The following HOXB6 variants were observed in gnomAD, a reference collection of about 807,000 sequenced individuals.
HOXB6 encodes the protein homeobox B6.
A neutral mutation model predicts 24.2 loss-of-function variants in HOXB6; 18 were observed. That is an observed-to-expected ratio of 0.74 (90% CI 0.51 to 1.10). HOXB6 has a LOEUF of 1.10. Ranked by LOEUF, HOXB6 falls within the 50% of genes least tolerant of loss-of-function variation. The pLI is 0.00. For synonymous variants in HOXB6, 159 were observed against 139.1 expected (o/e 1.14, Z -1.01); for missense variants, 332 against 308.3 (o/e 1.08, Z -0.58).
At position 48,597,868 on chromosome 17, in the gene HOXB6, C is replaced by G; in HGVS notation, c.283G>C (p.Glu95Gln). 6.3e-7 allele frequency: 1 copy of G among 1,592,132 alleles called. No individual in the cohort carries two copies. The highest frequency in any genetic ancestry group is 8.6e-7 in the Non-Finnish European group (1 of 1,168,506). ...ESACALSGADEQPPFHPEPRK... is the reference protein window; with the variant it reads ...ESACALSGADQQPPFHPEPRK... The stretch of plus-strand genomic sequence containing the variant: ...GGCTCGGGGTGGAACGGGGGCTGCT[C>G]GTCGGCGCCGGAGAGTGCGCAGGCC... Residue 95 changes from glutamate (E) to glutamine (Q), a missense_variant, in exon 3 of 4, where the codon GAG becomes CAG. By Grantham distance (29) the Glu-to-Gln change is conservative. Coordinates refer to ENST00000225648, the MANE Select transcript of HOXB6 (RefSeq NM_018952.5).
chr17:48,600,727 C>T (rs893159476), intron 2 of HOXB6, among the ~76,000 whole-genome samples: 1 of 152,090 alleles, frequency 6.6e-6, no homozygotes, highest in Non-Finnish European at 1.5e-5. Flanking sequence ...CTCAGCCATC[C>T]GCCAGTCTGG....
intron 2 of HOXB6, 69 bp from the exon 3 acceptor site, chr17:48,598,297 A>C: frequency 1.3e-6 from 1 of 774,154 alleles, no homozygotes; most frequent in Non-Finnish European, 2.0e-6. Flanking sequence ...GAGGGCCAGA[A>C]GGAAATACAA....
Position 48,596,860 on chromosome 17 carries a change from T to A in HOXB6, c.416-188A>T. On this transcript the variant is annotated intron_variant, in intron 3 of 3. Transcript: ENST00000225648. The surrounding 1 kb of genome is among the most constrained non-coding windows in gnomAD (Gnocchi z 4.8). ...CTCCTAGTCTCCTAGGCCTGTGCCG[T>A]CTGTCTAGACTCTAGATGGGGGAGG... is the stretch of plus-strand genomic sequence containing the variant. 1 of 1,262,572 alleles carries A rather than the reference T, an allele frequency of 7.9e-7. No individual in the cohort carries two copies. Among genetic ancestry groups the A allele is most frequent in the Admixed American group, 2.3e-5 (1 of 43,852 alleles). 78.2% of individuals were successfully genotyped at this position (1,262,572 alleles called of 1,614,324 possible). A position where few individuals can be genotyped will look rare whatever the true frequency, so the allele number is the denominator to read the frequency against.
rs766606427 is a variant in HOXB6, at chr17:48,597,981, G to A, written c.170C>T (p.Ser57Phe). 1 of 1,589,204 alleles carries A rather than the reference G, an allele frequency of 6.3e-7. No individual in the cohort carries two copies. Among genetic ancestry groups the A allele is most frequent in the Admixed American group, 1.8e-5 (1 of 56,454 alleles). Residue 57 changes from serine (S) to phenylalanine (F), a missense_variant, in exon 3 of 4, where the codon TCC (serine) becomes TTC (phenylalanine). By Grantham distance (155) the Ser-to-Phe change is radical. Coordinates refer to ENST00000225648, the MANE Select transcript of HOXB6 (RefSeq NM_018952.5). ...GCCACCGCCCGCCGGCGGGTAATAG[G>A]AGGAAGTGGCAAAGCCCTTGTCCTG... ...PGQDKGFATS[S>F]YYPPAGGGYG...
chr17:48,596,256 G>A lies in HOXB6; in HGVS notation c.*157C>T, dbSNP rs61585154. 0.029 allele frequency: 33,555 copies of A among 1,138,702 alleles called. 686 individuals are homozygous for A. Among genetic ancestry groups the A allele is most frequent in the African/African-American group, 0.073 (4,788 of 66,000 alleles). The allele number at this position is 1,138,702 out of a possible 1,614,324, so 70.5% of individuals were successfully genotyped here. A position where few individuals can be genotyped will look rare whatever the true frequency, so the allele number is the denominator to read the frequency against. On this transcript the variant is annotated 3_prime_UTR_variant, in exon 4 of 4. Transcript: ENST00000225648. This position sits in a 1 kb window ranked among gnomAD's most constrained non-coding sequence, Gnocchi z 4.8. Reference sequence around the variant, plus strand: ...AGAGCACCCGCCGGGAGCTGTGCGGGCGGGGGCGTCCAGGAGAGCGCTGGG... The same window carrying A: ...AGAGCACCCGCCGGGAGCTGTGCGGACGGGGGCGTCCAGGAGAGCGCTGGG...
In HOXB6 at chr17:48,596,218, G is replaced by C; in HGVS notation, c.*195C>G. 1 of 803,604 alleles carries C rather than the reference G, an allele frequency of 1.2e-6. No individual in the cohort carries two copies. The highest frequency in any genetic ancestry group is 1.7e-5 in the African/African-American group (1 of 59,582). 49.8% of individuals were successfully genotyped at this position (803,604 alleles called of 1,614,324 possible). A position where few individuals can be genotyped will look rare whatever the true frequency, so the allele number is the denominator to read the frequency against. ...CGCGCGGGATGCTGGGTGGGCTCGA[G>C]TAGTGAGGCCTCAGAGCACCCGCCG... On this transcript the variant is annotated 3_prime_UTR_variant, in exon 4 of 4. Transcript: ENST00000225648. The surrounding 1 kb of genome is among the most constrained non-coding windows in gnomAD (Gnocchi z 4.8).
intron 2 of HOXB6, among the ~76,000 whole-genome samples, chr17:48,599,950 T>A (rs183247145): frequency 3.9e-5 from 6 of 152,264 alleles, no homozygotes; most frequent in Middle Eastern, 3.4e-3. Context: ...GGTGGGAACT[T>A]ATTTGGTTGC....
chr17:48,595,801 TATTATC>T lies in HOXB6; in HGVS notation c.*606_*611del, dbSNP rs1308787861. The T allele has an allele frequency of 1.7e-4, 35 of 205,090 alleles. No homozygotes were observed. The highest frequency in any genetic ancestry group is 3.8e-4 in the South Asian group (6 of 15,678). 12.7% of individuals were successfully genotyped at this position (205,090 alleles called of 1,614,324 possible). A position where few individuals can be genotyped will look rare whatever the true frequency, so the allele number is the denominator to read the frequency against. ...TTGTTGTTGTTGTTATTATTATTAT[TATTATC>T]ATCATCATCATCATCATCATCATCG... is the stretch of plus-strand genomic sequence containing the variant. On this transcript the variant is annotated 3_prime_UTR_variant, in exon 4 of 4. Transcript: ENST00000225648.
At chr17:48,603,366 C>G (rs1260552813) in intron 2 of HOXB6, among the ~76,000 whole-genome samples, 1 of 152,154 alleles carries the variant, frequency 6.6e-6, no homozygotes, top group Admixed American at 6.5e-5. Context: ...CTCCCCACCC[C>G]CTAGAAGGCC....
chr17:48,599,433 TTC>T (rs1331882555), intron 2 of HOXB6, among the ~76,000 whole-genome samples: 1 of 152,222 alleles, frequency 6.6e-6, no homozygotes, highest in Non-Finnish European at 1.5e-5. Context: ...TTAAAATTAA[TTC>T]TTTCCCAAGA....
chr17:48,602,033 G>A (rs1476099225), intron 2 of HOXB6: 1 of 448,870 alleles, frequency 2.2e-6, no homozygotes, highest in Non-Finnish European at 4.5e-6. Flanking sequence ...TTAAGGATTT[G>A]GCCCCAGTCC....
intron 2 of HOXB6, chr17:48,602,445 C>G (rs965832113): frequency 2.9e-6 from 1 of 345,922 alleles, no homozygotes; most frequent in African/African-American, 2.1e-5. Flanking sequence ...ATTCAGGGCC[C>G]CTGCCCGCTG....
At chr17:48,601,326 A>G (rs961335573) in intron 2 of HOXB6, 17 of 148,866 alleles carry the variant, frequency 1.1e-4, no homozygotes, top group African/African-American at 4.2e-4. Flanking sequence ...AAATCAAAGT[A>G]CAAAGACTTC....
intron 2 of HOXB6, among the ~76,000 whole-genome samples, chr17:48,600,991 C>CGTGTGTGTGTGTGTGTGTGT (rs58180060): frequency 6.9e-6 from 1 of 145,766 alleles, no homozygotes; most frequent in African/African-American, 2.5e-5. Flanking sequence ...GGGATATTTG[C>CGTGTGTGTGTGTGTGTGTGT]GTGTGTGTGT....
rs1414748047 is a variant in HOXB6, at chr17:48,596,057, G to C, written c.*356C>G. On this transcript the variant is annotated 3_prime_UTR_variant, in exon 4 of 4. Coordinates refer to ENST00000225648, the MANE Select transcript of HOXB6 (RefSeq NM_018952.5). The surrounding 1 kb of genome is among the most constrained non-coding windows in gnomAD (Gnocchi z 4.8). ...CGAATCTACCATTGAACCGTGCACG[G>C]GGGACATGGACAAAATGAGACGCGA... 2.0e-6 allele frequency: 1 copy of C among 489,802 alleles called. No individual in the cohort carries two copies. The highest frequency in any genetic ancestry group is 1.5e-5 in the South Asian group (1 of 64,898). The allele number at this position is 489,802 out of a possible 1,614,324, so 30.3% of individuals were successfully genotyped here. A position where few individuals can be genotyped will look rare whatever the true frequency, so the allele number is the denominator to read the frequency against.
intron 3 of HOXB6, among the ~76,000 whole-genome samples, chr17:48,597,372 G>A (rs2070330154): frequency 6.6e-6 from 1 of 152,094 alleles, no homozygotes; most frequent in Non-Finnish European, 1.5e-5. Context: ...GCCGTCTTTG[G>A]TTGGGGAACC....
chr17:48,597,840 C>A lies in HOXB6; in HGVS notation c.311G>T (p.Arg104Leu), dbSNP rs1567973348. Residue 104 changes from arginine to leucine, a missense_variant, in exon 3 of 4, where the codon CGG becomes CTG. Transcript: ENST00000225648. Reference sequence around the variant, plus strand: ...CTTGTCCTGCGCGCAGTCCGACTTCCGCGGCTCGGGGTGGAACGGGGGCTG... The same window carrying A: ...CTTGTCCTGCGCGCAGTCCGACTTCAGCGGCTCGGGGTGGAACGGGGGCTG... Reference protein sequence around the residue: ...DEQPPFHPEPRKSDCAQDKSV... With the variant: ...DEQPPFHPEPLKSDCAQDKSV... The A allele has an allele frequency of 6.2e-7, 1 of 1,601,288 alleles. No individual in the cohort carries two copies. The highest frequency in any genetic ancestry group is 1.1e-5 in the South Asian group (1 of 89,366).
intron 2 of HOXB6, among the ~76,000 whole-genome samples, chr17:48,600,991 CGT>C (rs58180060): frequency 0.037 from 5,458 of 145,690 alleles, 327 homozygotes; most frequent in African/African-American, 0.12. Flanking sequence ...GGGATATTTG[CGT>C]GTGTGTGTGT....
chr17:48,600,474 C>T (rs1438517477), intron 2 of HOXB6: 1 of 456,030 alleles, frequency 2.2e-6, no homozygotes, highest in Non-Finnish European at 4.4e-6. Flanking sequence ...GGAGCCACTA[C>T]AGGCGGGCCT....
Sources: gnomAD v4.1 joint callset for allele counts (sites outside exome capture counted in the v4.1 genomes callset) on GRCh38, gnomAD v4.1.1 for gene constraint, Gnocchi (gnomAD v3.1) non-coding constraint, MANE v1.5 for transcripts, NCBI Gene and HGNC (gene_info 2026-07-23, HGNC 2026-07-21) for gene names.